PXDN: variants seen among roughly 807,000 people sequenced by gnomAD.
PXDN encodes the protein peroxidasin.
In PXDN, 77 loss-of-function variants were observed where a neutral mutation model predicts 140.3. The observed-to-expected ratio is 0.55, with a 90% confidence interval of 0.46 to 0.66. The LOEUF is 0.66. Among genes scored for constraint, PXDN ranks in the 30% least tolerant of loss-of-function variants. The pLI is 0.00. For missense variants in PXDN, 1,838 were observed against 2,039.5 expected (o/e 0.90, Z 1.90); for synonymous variants, 911 against 857.4 (o/e 1.06, Z -1.09).
At chr2:1,702,710 C>A (rs559119366) in intron 1 of PXDN, among the ~76,000 whole-genome samples, 1 of 152,024 alleles carries the variant, frequency 6.6e-6, no homozygotes, top group East Asian at 1.9e-4. Flanking sequence ...TTCACTGCAA[C>A]CTCCGTCTCC....
chr2:1,666,125 T>A (rs1683428751), intron 10 of PXDN, 89 bp downstream of exon 10: 7 of 1,510,160 alleles, frequency 4.6e-6, no homozygotes, highest in Non-Finnish European at 6.3e-6. Flanking sequence ...GAAGATTCTA[T>A]GGAGCGTCTG....
intron 16 of PXDN, 161 bp downstream of exon 16, chr2:1,653,467 G>C (rs964810182): frequency 1.5e-5 from 16 of 1,092,270 alleles, no homozygotes; most frequent in African/African-American, 4.7e-5. Flanking sequence ...CAGGGCTGTA[G>C]GGCTCAAGAG....
rs1487849077 is a variant in PXDN, at chr2:1,660,968, C to T, written c.1750G>A (p.Val584Ile). 9 of 1,613,918 alleles carry T rather than the reference C, an allele frequency of 5.6e-6. No individual in the cohort carries two copies. The highest frequency in any genetic ancestry group is 2.2e-5 in the South Asian group (2 of 91,082). The stretch of plus-strand genomic sequence containing the variant: ...TAGCGACCTGCGTCTGCAGGGCCAA[C>T]GTCATTGATGGTCAAGAATCCTTCA... Reference protein sequence around the residue: ...SPEGFLTINDVGPADAGRYEC... With the variant: ...SPEGFLTINDIGPADAGRYEC... The change falls in exon 14 of 23, where the codon GTT becomes ATT. Residue 584 changes from valine to isoleucine, a missense_variant. Val to Ile is a conservative substitution (Grantham distance 29). Transcript: ENST00000252804. The surrounding 1 kb of genome is among the most constrained non-coding windows in gnomAD (Gnocchi z 4.6).
intron 16 of PXDN, chr2:1,653,403 C>G (rs1408860697): frequency 3.1e-6 from 2 of 652,968 alleles, no homozygotes; most frequent in Non-Finnish European, 5.4e-6. Flanking sequence ...CTGATCAGCA[C>G]TCCAAGGGAC....
At chr2:1,703,590 G>A (rs187040115) in intron 1 of PXDN, among the ~76,000 whole-genome samples, 15 of 16,490 alleles carry the variant, frequency 9.1e-4, no homozygotes, top group East Asian at 5.5e-3. Context: ...AGGTGAAGGG[G>A]GGGCAACTCC....
intron 9 of PXDN, among the ~76,000 whole-genome samples, chr2:1,670,991 G>A (rs1683562718): frequency 6.6e-6 from 1 of 152,106 alleles, no homozygotes; most frequent in African/African-American, 2.4e-5. Flanking sequence ...CCCGACAGAA[G>A]AGCTGAGATA....
rs115266028 is a variant in PXDN, at chr2:1,719,443, C to T, written c.200+24813G>A. ...CTGTGTGCCTTGAGGGTACATGGAA[C>T]CTAAGAGGGGACACTGGCCTTGCAG... On this transcript the variant is annotated intron_variant, in intron 1 of 22. Coordinates refer to ENST00000252804, the MANE Select transcript of PXDN (RefSeq NM_012293.3). 8.8e-3 allele frequency among the ~76,000 whole-genome samples: 1,345 copies of T among 152,314 alleles called. 25 individuals carry two copies. Among genetic ancestry groups the T allele is most frequent in the African/African-American group, 0.031 (1,304 of 41,564 alleles).
At chr2:1,682,822 C>T (rs2125443287) in intron 6 of PXDN, among the ~76,000 whole-genome samples, 1 of 152,254 alleles carries the variant, frequency 6.6e-6, no homozygotes. Context: ...CGCCTGTAAT[C>T]CCAGCTACTA....
At chr2:1,701,043 A>C (rs956093985) in intron 1 of PXDN, among the ~76,000 whole-genome samples, 4 of 152,188 alleles carry the variant, frequency 2.6e-5, no homozygotes, top group Admixed American at 2.6e-4. Context: ...CCCCGCTGGG[A>C]AAGGCGGGAG....
At position 1,714,541 on chromosome 2, in the gene PXDN, G is replaced by A. The variant is rs543313784; in HGVS notation, c.201-21407C>T. 2.1e-4 allele frequency among the ~76,000 whole-genome samples: 32 copies of A among 152,246 alleles called. No individual in the cohort carries two copies. In the South Asian group the frequency reaches 6.2e-3, roughly 30 times the overall value. ...GCCCCTCCCACAGCAGGCCCAGTGC[G>A]TGCATTCCCTGAAAGGCCAGGTGGG... On this transcript the variant is annotated intron_variant, in intron 1 of 22. Coordinates refer to ENST00000252804, the MANE Select transcript of PXDN (RefSeq NM_012293.3). The surrounding 1 kb of genome is among the most constrained non-coding windows in gnomAD (Gnocchi z 4.3).
At chr2:1,697,582 C>T (rs1212968350) in intron 1 of PXDN, among the ~76,000 whole-genome samples, 1 of 150,676 alleles carries the variant, frequency 6.6e-6, no homozygotes, top group Non-Finnish European at 1.5e-5. Context: ...TTTTAACAAT[C>T]ATAATAAATA....
chr2:1,658,675 G>T (rs1683227619), intron 14 of PXDN, among the ~76,000 whole-genome samples: 1 of 152,024 alleles, frequency 6.6e-6, no homozygotes, highest in African/African-American at 2.4e-5. Context: ...TGGCGTCCCG[G>T]TATGTCTGCA....
At chr2:1,666,531 G>A (rs780586265) in intron 9 of PXDN, 45 bp from the exon 10 acceptor site, 5 of 1,542,368 alleles carry the variant, frequency 3.2e-6, no homozygotes, top group Non-Finnish European at 1.8e-6. Flanking sequence ...CTCCCGGTTT[G>A]ACATGGTTTT....
Position 1,662,110 on chromosome 2 carries a change from A to G in PXDN, c.1642T>C (p.Ser548Pro). The change falls in exon 13 of 23, where the codon TCC becomes CCC. Residue 548 changes from serine (S) to proline (P), a missense_variant. Coordinates refer to ENST00000252804, the MANE Select transcript of PXDN (RefSeq NM_012293.3). ...VGANVQLPCS[S>P]QGEPEPAITW... Reference sequence around the variant, plus strand: ...ATGGCTGGCTCGGGCTCGCCCTGGGAGCTGCACGGGAGCTGCACATTGGCG... The same window carrying G: ...ATGGCTGGCTCGGGCTCGCCCTGGGGGCTGCACGGGAGCTGCACATTGGCG... 1 of 1,597,322 alleles carries G rather than the reference A, an allele frequency of 6.3e-7. No individual in the cohort carries two copies. Among genetic ancestry groups the G allele is most frequent in the East Asian group, 2.3e-5 (1 of 44,236 alleles).
intron 1 of PXDN, among the ~76,000 whole-genome samples, chr2:1,705,515 A>G (rs1259244458): frequency 6.8e-6 from 1 of 147,738 alleles, no homozygotes; most frequent in Non-Finnish European, 1.5e-5. Context: ...ACGACCTGGG[A>G]TGCAGGGTAC....
Position 1,653,934 on chromosome 2 carries a change from G to C in PXDN, c.1947-149C>G, listed in dbSNP as rs186811893. On this transcript the variant is annotated intron_variant, in intron 15 of 22. Transcript: ENST00000252804. Reference sequence around the variant, plus strand: ...ACTATACCTTCCTCATCCGAAGTGGGAGGCAACAAAACAAAAACAAAACAA... The same window carrying C: ...ACTATACCTTCCTCATCCGAAGTGGCAGGCAACAAAACAAAAACAAAACAA... The C allele has an allele frequency of 5.8e-5, 56 of 967,224 alleles. No individual in the cohort carries two copies. In the East Asian group the frequency reaches 1.5e-3, roughly 26 times the overall value. 59.9% of individuals were successfully genotyped at this position (967,224 alleles called of 1,614,324 possible). A position where few individuals can be genotyped will look rare whatever the true frequency, so the allele number is the denominator to read the frequency against.
intron 1 of PXDN, among the ~76,000 whole-genome samples, chr2:1,693,489 CG>C (rs1258126426): frequency 1.3e-5 from 2 of 152,316 alleles, no homozygotes; most frequent in Non-Finnish European, 2.9e-5. Flanking sequence ...AAGAGAGTCA[CG>C]CCACCTGTGC....
intron 1 of PXDN, among the ~76,000 whole-genome samples, chr2:1,727,041 T>C (rs886267174): frequency 3.9e-5 from 6 of 152,202 alleles, no homozygotes; most frequent in Non-Finnish European, 7.3e-5. Flanking sequence ...CTTAAACACA[T>C]AGGTCTGGTC....
intron 3 of PXDN, 82 bp downstream of exon 3, chr2:1,691,846 T>C (rs756750773): frequency 2.5e-5 from 22 of 870,420 alleles, no homozygotes; most frequent in Non-Finnish European, 3.8e-5. Flanking sequence ...CAATAATTCA[T>C]AAGCAGCACG....
Sources: gnomAD v4.1 joint callset for allele counts (sites outside exome capture counted in the v4.1 genomes callset) on GRCh38, gnomAD v4.1.1 for gene constraint, Gnocchi (gnomAD v3.1) non-coding constraint, MANE v1.5 for transcripts, NCBI Gene and HGNC (gene_info 2026-07-23, HGNC 2026-07-21) for gene names.